Variants in PTPRT observed in about 807,000 individuals in gnomAD.
The protein encoded by PTPRT is protein tyrosine phosphatase receptor type T.
Under a neutral mutation model 176.8 loss-of-function variants are expected in PTPRT, and 56 were observed. The ratio of observed to expected loss-of-function variants is 0.32; its 90% CI spans 0.26 to 0.40. PTPRT has a LOEUF of 0.40. Ranked by LOEUF, PTPRT falls within the 10% of genes least tolerant of loss-of-function variation. The pLI is 1.00. For synonymous variants in PTPRT, 783 were observed against 739.0 expected (o/e 1.06, Z -0.96); for missense variants, 1,540 against 1,908.2 (o/e 0.81, Z 3.60).
At chr20:42,113,160 C>T (rs189282608) in intron 22 of PTPRT, among the ~76,000 whole-genome samples, 1 of 152,348 alleles carries the variant, frequency 6.6e-6, no homozygotes, top group East Asian at 1.9e-4. Context: ...CCAGTTAATC[C>T]TCAGAGGCCC....
chr20:42,831,176 C>T (rs1186015564), intron 2 of PTPRT, among the ~76,000 whole-genome samples: 1 of 152,174 alleles, frequency 6.6e-6, no homozygotes. Context: ...GGTACCAAAA[C>T]AGATCTATAG....
At chr20:42,703,628 C>G (rs192991890) in intron 6 of PTPRT, among the ~76,000 whole-genome samples, 1 of 152,096 alleles carries the variant, frequency 6.6e-6, no homozygotes, top group African/African-American at 2.4e-5. Context: ...TCTTGGAAGA[C>G]GAAGCTTAGA....
At chr20:43,034,954 C>A (rs1986315128) in intron 1 of PTPRT, among the ~76,000 whole-genome samples, 2 of 151,446 alleles carry the variant, frequency 1.3e-5, no homozygotes, top group Non-Finnish European at 2.9e-5. Context: ...TCTACCTATG[C>A]TTCAACACTT....
At position 42,780,310 on chromosome 20, in the gene PTPRT, C is replaced by A; in HGVS notation, c.487-11G>T. 6.2e-7 allele frequency: 1 copy of A among 1,609,516 alleles called. No homozygotes were observed. The highest frequency in any genetic ancestry group is 8.5e-7 in the Non-Finnish European group (1 of 1,175,922). ...GGATTCAAATATCACCTGCAACACA[C>A]AGGGCGGGAGTCAATTTCACAGAAA... On this transcript the variant is annotated splice_polypyrimidine_tract_variant and intron_variant, in intron 3 of 30. Transcript: ENST00000373187.
chr20:42,569,449 C>T (rs2073115972), intron 7 of PTPRT, among the ~76,000 whole-genome samples: 1 of 152,000 alleles, frequency 6.6e-6, no homozygotes, highest in South Asian at 2.1e-4. Flanking sequence ...AAAAGTCATA[C>T]AAAATTTGGG....
chr20:42,590,459 A>T (rs1257522424), intron 7 of PTPRT, among the ~76,000 whole-genome samples: 4 of 152,210 alleles, frequency 2.6e-5, no homozygotes, highest in Admixed American at 2.6e-4. Context: ...CTGCTTTAAC[A>T]ACAGTTGAAG....
intron 1 of PTPRT, among the ~76,000 whole-genome samples, chr20:43,157,164 C>A (rs933709175): frequency 3.4e-5 from 5 of 148,802 alleles, no homozygotes; most frequent in Admixed American, 2.0e-4. Context: ...CCAGGCTGGG[C>A]AACATGGCAA....
intron 1 of PTPRT, among the ~76,000 whole-genome samples, chr20:43,014,367 G>T (rs1038452568): frequency 1.3e-5 from 2 of 152,138 alleles, no homozygotes; most frequent in Non-Finnish European, 2.9e-5. Flanking sequence ...TTTAATAAAC[G>T]GGGTATTTTT....
chr20:42,384,883 G>A (rs2058730294), intron 9 of PTPRT, among the ~76,000 whole-genome samples: 1 of 152,162 alleles, frequency 6.6e-6, no homozygotes. Flanking sequence ...CCATTTGAAT[G>A]TCTTTGGAGA....
intron 1 of PTPRT, among the ~76,000 whole-genome samples, chr20:43,081,138 G>A (rs951825026): frequency 3.3e-5 from 5 of 152,108 alleles, no homozygotes; most frequent in African/African-American, 1.2e-4. Flanking sequence ...ATATAAATTT[G>A]GTATTACACT....
At chr20:42,835,874 T>C (rs897322961) in intron 2 of PTPRT, among the ~76,000 whole-genome samples, 1 of 152,038 alleles carries the variant, frequency 6.6e-6, no homozygotes, top group Non-Finnish European at 1.5e-5. Context: ...CAAAGCATAA[T>C]AGATATCCAT....
chr20:43,129,907 C>T (rs1347954114), intron 1 of PTPRT, among the ~76,000 whole-genome samples: 2 of 152,074 alleles, frequency 1.3e-5, no homozygotes, highest in Non-Finnish European at 1.5e-5. Flanking sequence ...CGTGAGCCAC[C>T]GCGCCCAGCC....
At chr20:43,141,300 C>G (rs1395866749) in intron 1 of PTPRT, among the ~76,000 whole-genome samples, 2 of 152,186 alleles carry the variant, frequency 1.3e-5, no homozygotes, top group East Asian at 3.9e-4. Context: ...AGTCGGGCAG[C>G]TCTTCTGCTG....
intron 7 of PTPRT, among the ~76,000 whole-genome samples, chr20:42,667,311 G>T (rs1251405531): frequency 6.6e-6 from 1 of 152,168 alleles, no homozygotes. Flanking sequence ...CCTAGACAGT[G>T]AGTGGAGGAA....
chr20:42,979,208 T>A (rs970312136), intron 1 of PTPRT, among the ~76,000 whole-genome samples: 3 of 152,110 alleles, frequency 2.0e-5, no homozygotes, highest in African/African-American at 7.2e-5. Flanking sequence ...CTTACATGAG[T>A]TGTAAGAAAA....
chr20:42,889,679 G>C (rs967998107), intron 1 of PTPRT, among the ~76,000 whole-genome samples: 4 of 152,168 alleles, frequency 2.6e-5, no homozygotes, highest in African/African-American at 9.7e-5. Context: ...TGGAGCCCTT[G>C]GGCTCCCAGC....
chr20:43,143,982 T>C lies in PTPRT; in HGVS notation c.88+45664A>G, dbSNP rs373069786. On this transcript the variant is annotated intron_variant, in intron 1 of 30. Transcript: ENST00000373187. The stretch of plus-strand genomic sequence containing the variant: ...CAAGGAACCCATTGCCAAGTGAGCA[T>C]CTGCCTGCTGGGACTTTTGGGTTCT... Among the ~76,000 whole-genome samples the C allele has an allele frequency of 9.2e-5, 14 of 152,320 alleles. No individual in the cohort carries two copies. The East Asian group carries it at 1.4e-3, about 15-fold the overall frequency.
intron 7 of PTPRT, among the ~76,000 whole-genome samples, chr20:42,485,660 C>G (rs1202125406): frequency 6.6e-6 from 1 of 152,052 alleles, no homozygotes; most frequent in Non-Finnish European, 1.5e-5. Flanking sequence ...AAAGCTGAGG[C>G]TGCTCATAGC....
intron 1 of PTPRT, among the ~76,000 whole-genome samples, chr20:42,911,500 C>A (rs1978376018): frequency 6.6e-6 from 1 of 152,094 alleles, no homozygotes; most frequent in African/African-American, 2.4e-5. Context: ...CCTACTGGCA[C>A]CAGTGCATTT....
Sources: gnomAD v4.1 joint callset for allele counts (sites outside exome capture counted in the v4.1 genomes callset) on GRCh38, gnomAD v4.1.1 for gene constraint, MANE v1.5 for transcripts, NCBI Gene and HGNC (gene_info 2026-07-23, HGNC 2026-07-21) for gene names.